The following GLIS3 variants were observed in gnomAD, a reference collection of about 807,000 sequenced individuals.
GLIS3 encodes GLIS family zinc finger 3, also known as zinc finger protein GLIS3.
GLIS3 carries 53 observed loss-of-function variants against 78.6 expected under a neutral mutation model. The ratio of observed to expected loss-of-function variants is 0.67; its 90% CI spans 0.54 to 0.85. The LOEUF is 0.85. Among genes scored for constraint, GLIS3 ranks in the 40% least tolerant of loss-of-function variants. The pLI, the probability that GLIS3 is intolerant of heterozygous loss-of-function variation, is 0.00. For missense variants in GLIS3, 1,703 were observed against 1,231.1 expected, an observed-to-expected ratio of 1.38 and a Z score of -5.74; for synonymous variants, 684 against 509.9, an observed-to-expected ratio of 1.34 and a Z score of -4.60.
At chr9:3,966,777 A>AAAAAAAC (rs1443546790) in intron 4 of GLIS3, among the ~76,000 whole-genome samples, 1 of 151,708 alleles carries the variant, frequency 6.6e-6, no homozygotes, top group Non-Finnish European at 1.5e-5. Flanking sequence ...GACAGACAAA[A>AAAAAAAC]AAAAAACAAA....
chr9:4,427,378 G>C, the GLIS3 span, among the ~76,000 whole-genome samples: 1 of 152,092 alleles, frequency 6.6e-6, no homozygotes, highest in Non-Finnish European at 1.5e-5. Flanking sequence ...CTGTGGTAAG[G>C]GGTGGGAATC....
At chr9:4,068,602 G>T (rs1171182509) in intron 4 of GLIS3, among the ~76,000 whole-genome samples, 2 of 152,044 alleles carry the variant, frequency 1.3e-5, no homozygotes, top group Admixed American at 6.6e-5. Context: ...AAATATTAGA[G>T]AAAATCCTGG....
At chr9:4,403,893 A>G in the GLIS3 span, among the ~76,000 whole-genome samples, 8 of 152,294 alleles carry the variant, frequency 5.3e-5, no homozygotes, top group Admixed American at 4.6e-4. Context: ...ATACTGAGTG[A>G]AAATTGACTA....
chr9:4,375,246 C>T, the GLIS3 span, among the ~76,000 whole-genome samples: 2 of 152,086 alleles, frequency 1.3e-5, no homozygotes, highest in African/African-American at 2.4e-5. Flanking sequence ...AATGAACTCC[C>T]AACATCAGAA....
intron 4 of GLIS3, among the ~76,000 whole-genome samples, chr9:4,082,038 G>A (rs979373931): frequency 2.0e-5 from 3 of 152,140 alleles, no homozygotes; most frequent in Non-Finnish European, 2.9e-5. Context: ...GGACAGAATC[G>A]GAATGGGAGC....
chr9:4,248,481 G>T (rs892255197), intron 2 of GLIS3, among the ~76,000 whole-genome samples: 2 of 152,018 alleles, frequency 1.3e-5, no homozygotes, highest in African/African-American at 4.8e-5. Context: ...TCTTTATTCA[G>T]TCTATCATTG....
intron 2 of GLIS3, among the ~76,000 whole-genome samples, chr9:4,154,396 A>G (rs1834901899): frequency 6.6e-6 from 1 of 152,240 alleles, no homozygotes; most frequent in African/African-American, 2.4e-5. Flanking sequence ...AAATATTAAA[A>G]TAAAATGTAA....
chr9:4,238,351 A>G (rs980213580), intron 2 of GLIS3, among the ~76,000 whole-genome samples: 1 of 152,138 alleles, frequency 6.6e-6, no homozygotes, highest in Non-Finnish European at 1.5e-5. Flanking sequence ...GGTGGAGAGG[A>G]AGAATATGAC....
At chr9:4,064,376 T>C (rs1023506622) in intron 4 of GLIS3, among the ~76,000 whole-genome samples, 4 of 152,130 alleles carry the variant, frequency 2.6e-5, no homozygotes, top group South Asian at 2.1e-4. Context: ...TTGATAGCTA[T>C]GACTACCAAA....
Position 4,132,496 on chromosome 9 carries a change from A to G in GLIS3, c.389-6555T>C, listed in dbSNP as rs964950698. On this transcript the variant is annotated intron_variant, in intron 2 of 10. Coordinates refer to ENST00000381971, the MANE Select transcript of GLIS3 (RefSeq NM_001042413.2). ...CACTGGTTTTAAAAATGACATAGATACAGGGGGAACAAGAATGAAATATAT... is the reference window on the plus strand; with the variant it reads ...CACTGGTTTTAAAAATGACATAGATGCAGGGGGAACAAGAATGAAATATAT... Among the ~76,000 whole-genome samples the G allele has an allele frequency of 1.3e-5, 2 of 152,232 alleles. 1 individual carries two copies. Among genetic ancestry groups the G allele is most frequent in the African/African-American group, 4.8e-5 (2 of 41,458 alleles).
chr9:4,096,611 C>T (rs1431651772), intron 4 of GLIS3, among the ~76,000 whole-genome samples: 4 of 152,120 alleles, frequency 2.6e-5, no homozygotes, highest in African/African-American at 9.7e-5. Flanking sequence ...GATTCCCTCC[C>T]TGAGCTCAGG....
intron 4 of GLIS3, among the ~76,000 whole-genome samples, chr9:4,091,751 G>A (rs1829522365): frequency 6.6e-6 from 1 of 152,050 alleles, no homozygotes; most frequent in African/African-American, 2.4e-5. Context: ...TCAGTTTCCT[G>A]AGGCTTCCCC....
At chr9:4,165,209 G>C (rs897948750) in intron 2 of GLIS3, among the ~76,000 whole-genome samples, 2 of 152,210 alleles carry the variant, frequency 1.3e-5, no homozygotes, top group African/African-American at 4.8e-5. Context: ...GGGAGGCTGA[G>C]ATGGGCAGAT....
At chr9:4,447,424 C>T in the GLIS3 span, among the ~76,000 whole-genome samples, 4 of 152,046 alleles carry the variant, frequency 2.6e-5, no homozygotes, top group African/African-American at 7.2e-5. Context: ...AGGAAGTAGT[C>T]CCTGAACAAT....
At chr9:4,424,686 C>A in the GLIS3 span, among the ~76,000 whole-genome samples, 3 of 152,176 alleles carry the variant, frequency 2.0e-5, no homozygotes, top group Admixed American at 6.5e-5. Context: ...GCCTCAGCCT[C>A]CTGAGTAGCT....
intron 8 of GLIS3, among the ~76,000 whole-genome samples, chr9:3,861,719 A>G (rs970595548): frequency 6.0e-4 from 91 of 152,310 alleles, no homozygotes; most frequent in African/African-American, 2.1e-3. Flanking sequence ...CTCACTTATA[A>G]GTGGGAGCTG....
At chr9:4,426,326 C>T in the GLIS3 span, among the ~76,000 whole-genome samples, 2 of 152,214 alleles carry the variant, frequency 1.3e-5, no homozygotes, top group South Asian at 2.1e-4. Context: ...TCCCCACCTC[C>T]TGCTCCAAAG....
In GLIS3 at chr9:4,118,691, T is replaced by G; in HGVS notation, c.787A>C (p.Asn263His). Reference sequence around the variant, plus strand: ...GATGGTAATGAGTTAGAGACACTATTGCTGGACATGGATGTCCCGGGAGGA... The same window carrying G: ...GATGGTAATGAGTTAGAGACACTATGGCTGGACATGGATGTCCCGGGAGGA... ...SLPPGTSMSS[N>H]SVSNSLPSYL... The change falls in exon 4 of 11, where the codon AAT becomes CAT. Residue 263 changes from asparagine (N) to histidine (H), a missense_variant. By Grantham distance (68) the Asn-to-His change is moderately conservative. Coordinates refer to ENST00000381971, the MANE Select transcript of GLIS3 (RefSeq NM_001042413.2). This position sits in a 1 kb window ranked among gnomAD's most constrained non-coding sequence, Gnocchi z 4.7. 1.9e-6 allele frequency: 3 copies of G among 1,614,092 alleles called. No individual in the cohort carries two copies. The highest frequency in any genetic ancestry group is 2.5e-6 in the Non-Finnish European group (3 of 1,180,010).
At chr9:4,379,499 C>G in the GLIS3 span, among the ~76,000 whole-genome samples, 1 of 152,350 alleles carries the variant, frequency 6.6e-6, no homozygotes, top group South Asian at 2.1e-4. Flanking sequence ...TGCAAACTAT[C>G]TAGAGATGGG....
Sources: allele counts gnomAD v4.1 joint callset (sites outside exome capture counted in the v4.1 genomes callset), GRCh38; gene constraint gnomAD v4.1.1; non-coding constraint Gnocchi (gnomAD v3.1); transcripts MANE v1.5; gene names NCBI Gene and HGNC (gene_info 2026-07-23, HGNC 2026-07-21).